PRKN: variants seen among roughly 807,000 people sequenced by gnomAD.
The protein encoded by PRKN is E3 ubiquitin-protein ligase parkin.
In PRKN, 56 loss-of-function variants were observed where a neutral mutation model predicts 59.5. The observed-to-expected ratio is 0.94, with a 90% CI of 0.76 to 1.18. PRKN has a LOEUF of 1.18. Ranked by LOEUF, PRKN falls within the 50% of genes most tolerant of loss-of-function variation. The pLI is 0.00. For missense variants in PRKN, 657 were observed against 596.4 expected, an observed-to-expected ratio of 1.10 and a Z score of -1.06; for synonymous variants, 250 against 222.1, an observed-to-expected ratio of 1.13 and a Z score of -1.12.
At chr6:161,887,954 C>T (rs1157049134) in intron 6 of PRKN, among the ~76,000 whole-genome samples, 1 of 152,062 alleles carries the variant, frequency 6.6e-6, no homozygotes, top group African/African-American at 2.4e-5. Flanking sequence ...ATAATTGTGT[C>T]AGTTATGAAA....
chr6:161,893,263 T>C (rs1458623516), intron 6 of PRKN, among the ~76,000 whole-genome samples: 3 of 152,196 alleles, frequency 2.0e-5, no homozygotes, highest in Admixed American at 2.0e-4. Context: ...ATCCCAGCCA[T>C]CAGGATTTTA....
chr6:162,703,561 G>A (rs191727529), intron 1 of PRKN, among the ~76,000 whole-genome samples: 1 of 152,234 alleles, frequency 6.6e-6, no homozygotes, highest in East Asian at 1.9e-4. Context: ...TGTCTTTCAC[G>A]TATACCAGCT....
In PRKN at chr6:162,143,385, C is replaced by T. The variant is rs557765444; in HGVS notation, c.534+57746G>A. The stretch of plus-strand genomic sequence containing the variant: ...TGATGGCTGATGTGCCATAGAATGT[C>T]TTGGACCAAGAGGTGACCTTGGGAA... On this transcript the variant is annotated intron_variant, in intron 4 of 11. Transcript: ENST00000366898. Among the ~76,000 whole-genome samples, 31 of 152,152 alleles carry T rather than the reference C, an allele frequency of 2.0e-4. 1 individual carries two copies. In the South Asian group the frequency reaches 6.4e-3, roughly 32 times the overall value.
intron 4 of PRKN, among the ~76,000 whole-genome samples, chr6:162,101,359 G>C (rs1401206649): frequency 1.3e-5 from 2 of 151,484 alleles, no homozygotes; most frequent in African/African-American, 4.8e-5. Context: ...ATGTATTCTT[G>C]GCGTCTTTGT....
At chr6:162,216,767 T>C (rs1170934563) in intron 3 of PRKN, among the ~76,000 whole-genome samples, 1 of 152,074 alleles carries the variant, frequency 6.6e-6, no homozygotes, top group Non-Finnish European at 1.5e-5. Context: ...GAGCCCATCA[T>C]GAGATGATGA....
rs1790049834 is a variant in PRKN at position 161,458,013 on chromosome 6, T to C, written c.1084-71136A>G. On this transcript the variant is annotated intron_variant, in intron 9 of 11. Coordinates refer to ENST00000366898, the MANE Select transcript of PRKN (RefSeq NM_004562.3). This position sits in a 1 kb window ranked among gnomAD's most constrained non-coding sequence, Gnocchi z 6.1. ...AGACAATGACCGCCTTCTGATTTACTTGGGCTGCTCAAAACTCTGGAAAGA... is the reference window on the plus strand; with the variant it reads ...AGACAATGACCGCCTTCTGATTTACCTGGGCTGCTCAAAACTCTGGAAAGA... 6.6e-6 allele frequency among the ~76,000 whole-genome samples: 1 copy of C among 152,214 alleles called. No individual in the cohort carries two copies.
Position 162,190,234 on chromosome 6 carries a change from T to C in PRKN, c.534+10897A>G, listed in dbSNP as rs142964392. Among the ~76,000 whole-genome samples the C allele has an allele frequency of 5.3e-5, 8 of 152,252 alleles. No homozygotes were observed. The East Asian group carries it at 1.2e-3, about 22-fold the overall frequency. On this transcript the variant is annotated intron_variant, in intron 4 of 11. Coordinates refer to ENST00000366898, the MANE Select transcript of PRKN (RefSeq NM_004562.3). ...CTTTACAAATCATATTCTATGAGCA[T>C]TTCCCTTTTAATTTTCATAATTTCC...
rs2128233877 is a variant in PRKN, at chr6:162,685,820, T to A, written c.7+41842A>T. On this transcript the variant is annotated intron_variant, in intron 1 of 11. Transcript: ENST00000366898. ...TATTTTTGGCCAGCAGACCCTCCCC[T>A]GCCATAATTTGCCTTCCCTGTTTTT... Among the ~76,000 whole-genome samples the A allele has an allele frequency of 2.6e-5, 4 of 152,304 alleles. No homozygotes were observed. In the South Asian group the frequency reaches 8.3e-4, roughly 32 times the overall value.
chr6:161,390,645 C>T lies in PRKN; in HGVS notation c.1084-3768G>A, dbSNP rs989565270. Among the ~76,000 whole-genome samples the T allele has an allele frequency of 1.3e-5, 2 of 152,146 alleles. No homozygotes were observed. Among genetic ancestry groups the T allele is most frequent in the East Asian group, 3.9e-4 (2 of 5,158 alleles). ...CTGGGACTACAGGCGCCTGCCACCA[C>T]GCCCGGCTAATTTTTGTATTTTTAG... On this transcript the variant is annotated intron_variant, in intron 9 of 11. Transcript: ENST00000366898. This position sits in a 1 kb window ranked among gnomAD's most constrained non-coding sequence, Gnocchi z 7.0.
At chr6:161,746,133 T>C (rs1302065647) in intron 7 of PRKN, among the ~76,000 whole-genome samples, 3 of 152,232 alleles carry the variant, frequency 2.0e-5, no homozygotes, top group Admixed American at 2.0e-4. Context: ...CTTGCACTAA[T>C]GAAATAAGGG....
intron 1 of PRKN, among the ~76,000 whole-genome samples, chr6:162,556,001 T>TAAAAAAA (rs1554243232): frequency 1.2e-5 from 1 of 83,192 alleles, no homozygotes. Context: ...AAAAAAAAAG[T>TAAAAAAA]GAGAAAACAT....
chr6:162,481,091 G>A (rs576587637), intron 1 of PRKN, among the ~76,000 whole-genome samples: 43 of 152,182 alleles, frequency 2.8e-4, no homozygotes, highest in African/African-American at 1.0e-3. Context: ...TCAAAGTGCT[G>A]GGATTACAGG....
At chr6:162,242,909 T>A (rs1779042938) in intron 3 of PRKN, among the ~76,000 whole-genome samples, 1 of 152,056 alleles carries the variant, frequency 6.6e-6, no homozygotes, top group African/African-American at 2.4e-5. Flanking sequence ...ACACTTACAT[T>A]TACATGAAAG....
chr6:162,084,846 G>T (rs1583009150), intron 4 of PRKN, among the ~76,000 whole-genome samples: 1 of 151,842 alleles, frequency 6.6e-6, no homozygotes, highest in Non-Finnish European at 1.5e-5. Context: ...AATAGGTAAT[G>T]ATAATATAGA....
At chr6:161,449,161 T>C (rs1789617393) in intron 9 of PRKN, among the ~76,000 whole-genome samples, 1 of 152,228 alleles carries the variant, frequency 6.6e-6, no homozygotes, top group Non-Finnish European at 1.5e-5. Flanking sequence ...ATGCTTGCAA[T>C]TTATAATTTG....
chr6:161,582,681 C>A lies in PRKN; in HGVS notation c.872-13265G>T, dbSNP rs1314954895. Among the ~76,000 whole-genome samples, 2 of 152,062 alleles carry A rather than the reference C, an allele frequency of 1.3e-5. No individual in the cohort carries two copies. The highest frequency in any genetic ancestry group is 4.8e-5 in the African/African-American group (2 of 41,402). ...TGACCTCGTGATCTGCCCGCCTCGG[C>A]CTCCCAAAGTTCTGGGATTACAGGT... On this transcript the variant is annotated intron_variant, in intron 7 of 11. Coordinates refer to ENST00000366898, the MANE Select transcript of PRKN (RefSeq NM_004562.3). This position sits in a 1 kb window ranked among gnomAD's most constrained non-coding sequence, Gnocchi z 4.4.
intron 2 of PRKN, among the ~76,000 whole-genome samples, chr6:162,311,939 C>T (rs1485681002): frequency 1.3e-5 from 2 of 151,944 alleles, no homozygotes; most frequent in African/African-American, 4.8e-5. Flanking sequence ...TTTCAGATAC[C>T]CAGACAACAA....
At chr6:162,716,284 T>C (rs1424793348) in intron 1 of PRKN, among the ~76,000 whole-genome samples, 1 of 152,232 alleles carries the variant, frequency 6.6e-6, no homozygotes, top group Non-Finnish European at 1.5e-5. Context: ...TAAAACTGCC[T>C]CAAGAAACCA....
rs1787757691 is a variant in PRKN at position 161,414,730 on chromosome 6, G to C, written c.1084-27853C>G. On this transcript the variant is annotated intron_variant, in intron 9 of 11. Transcript: ENST00000366898. The surrounding 1 kb of genome is among the most constrained non-coding windows in gnomAD (Gnocchi z 5.3). The stretch of plus-strand genomic sequence containing the variant: ...CCTGATGAAGCCCCAAAGTGCAAAA[G>C]GCATGAAAGGCACATTATGCTTCTC... Among the ~76,000 whole-genome samples the C allele has an allele frequency of 6.6e-6, 1 of 152,164 alleles. No homozygotes were observed. The highest frequency in any genetic ancestry group is 2.4e-5 in the African/African-American group (1 of 41,428).
Sources: gnomAD v4.1 joint callset for allele counts (sites outside exome capture counted in the v4.1 genomes callset) on GRCh38, gnomAD v4.1.1 for gene constraint, Gnocchi (gnomAD v3.1) non-coding constraint, MANE v1.5 for transcripts, NCBI Gene and HGNC (gene_info 2026-07-23, HGNC 2026-07-21) for gene names.